Variants in KSR2 observed in about 807,000 individuals in gnomAD.
The protein encoded by KSR2 is kinase suppressor of ras 2.
A neutral mutation model predicts 107.8 loss-of-function variants in KSR2; 25 were observed. The ratio of observed to expected loss-of-function variants is 0.23; its 90% CI spans 0.17 to 0.32. The LOEUF is 0.32. Ranked by LOEUF, KSR2 falls within the 10% of genes least tolerant of loss-of-function variation. The pLI, the probability that KSR2 is intolerant of heterozygous loss-of-function variation, is 1.00. For missense variants in KSR2, 887 were observed against 1,268.9 expected, an observed-to-expected ratio of 0.70 and a Z score of 4.57; for synonymous variants, 480 against 507.0, an observed-to-expected ratio of 0.95 and a Z score of 0.71.
At chr12:117,507,633 C>T (rs1873781083) in intron 14 of KSR2, among the ~76,000 whole-genome samples, 1 of 152,172 alleles carries the variant, frequency 6.6e-6, no homozygotes, top group Non-Finnish European at 1.5e-5. Context: ...CATCTGCCTT[C>T]AGACAGGAAT....
At chr12:117,545,946 C>T (rs12297613) in intron 9 of KSR2, among the ~76,000 whole-genome samples, 4,149 of 152,068 alleles carry the variant, frequency 0.027, 201 homozygotes, top group African/African-American at 0.095. Context: ...AAATATTTCC[C>T]GTACATATAT....
intron 3 of KSR2, among the ~76,000 whole-genome samples, chr12:117,835,014 GC>G (rs1457018864): frequency 3.3e-5 from 5 of 152,200 alleles, no homozygotes; most frequent in Non-Finnish European, 5.9e-5. Flanking sequence ...CACTGGCTGG[GC>G]ATGAAAATCG....
At chr12:117,900,618 T>C (rs1443760726) in intron 1 of KSR2, among the ~76,000 whole-genome samples, 1 of 152,144 alleles carries the variant, frequency 6.6e-6, no homozygotes, top group Non-Finnish European at 1.5e-5. Flanking sequence ...ATTAATTGGG[T>C]TTCCAAGATA....
intron 9 of KSR2, among the ~76,000 whole-genome samples, chr12:117,548,797 G>A (rs1029808314): frequency 1.3e-5 from 2 of 152,134 alleles, no homozygotes; most frequent in African/African-American, 4.8e-5. Context: ...TCTGGAGGGA[G>A]AAACTAGACC....
intron 3 of KSR2, among the ~76,000 whole-genome samples, chr12:117,848,701 G>A (rs560765327): frequency 1.6e-4 from 24 of 151,872 alleles, no homozygotes; most frequent in Middle Eastern, 3.4e-3. Flanking sequence ...ATGAGGAGAA[G>A]TGGAGAAAAG....
intron 1 of KSR2, among the ~76,000 whole-genome samples, chr12:117,893,441 C>T (rs12318218): frequency 0.052 from 7,855 of 152,230 alleles, 395 homozygotes; most frequent in African/African-American, 0.14. Context: ...TACTTTGCAG[C>T]GTAGGCTGTG....
intron 5 of KSR2, among the ~76,000 whole-genome samples, chr12:117,658,533 G>C (rs951860610): frequency 6.6e-6 from 1 of 152,186 alleles, no homozygotes; most frequent in Non-Finnish European, 1.5e-5. Context: ...CAATGGCAGA[G>C]TTGAGTAGTT....
chr12:117,855,947 A>C (rs1893089032), intron 2 of KSR2, among the ~76,000 whole-genome samples: 1 of 151,900 alleles, frequency 6.6e-6, no homozygotes, highest in Admixed American at 6.6e-5. Flanking sequence ...AGTGCCTCCC[A>C]CTCTGCAGGG....
At chr12:117,658,064 C>A (rs1215181592) in intron 5 of KSR2, among the ~76,000 whole-genome samples, 1 of 152,156 alleles carries the variant, frequency 6.6e-6, no homozygotes, top group African/African-American at 2.4e-5. Flanking sequence ...AGCGTGTGTC[C>A]ATTAGCCTAA....
At chr12:117,636,572 G>A (rs563800643) in intron 5 of KSR2, among the ~76,000 whole-genome samples, 1 of 152,044 alleles carries the variant, frequency 6.6e-6, no homozygotes, top group Non-Finnish European at 1.5e-5. Context: ...AGGAAGGAAG[G>A]TTATTCAATA....
At chr12:117,553,699 C>A (rs1240284541) in intron 9 of KSR2, among the ~76,000 whole-genome samples, 1 of 152,164 alleles carries the variant, frequency 6.6e-6, no homozygotes. Flanking sequence ...GTACTTGGGT[C>A]ACAGGGGTGG....
intron 5 of KSR2, among the ~76,000 whole-genome samples, chr12:117,644,504 C>A (rs1442995466): frequency 6.6e-6 from 1 of 152,120 alleles, no homozygotes; most frequent in Non-Finnish European, 1.5e-5. Flanking sequence ...AAGTACTAAC[C>A]CCTGGACCCT....
chr12:117,952,706 G>A (rs562320202), intron 1 of KSR2, among the ~76,000 whole-genome samples: 10 of 151,860 alleles, frequency 6.6e-5, no homozygotes, highest in East Asian at 1.9e-4. Flanking sequence ...ACTTTTGGCC[G>A]TGCGTGGCGG....
intron 1 of KSR2, among the ~76,000 whole-genome samples, chr12:117,967,408 C>T (rs66723889): frequency 0.15 from 23,204 of 151,698 alleles, 2,099 homozygotes; most frequent in African/African-American, 0.23. Context: ...ATTTTTTTTT[C>T]CCTTTTGTAC....
chr12:117,653,308 C>T (rs1387767434), intron 5 of KSR2, among the ~76,000 whole-genome samples: 1 of 152,268 alleles, frequency 6.6e-6, no homozygotes, highest in Admixed American at 6.5e-5. Flanking sequence ...CAGCCATTGA[C>T]TTGGCAAATA....
At chr12:117,737,505 A>C (rs900145114) in intron 4 of KSR2, among the ~76,000 whole-genome samples, 1 of 152,134 alleles carries the variant, frequency 6.6e-6, no homozygotes, top group African/African-American at 2.4e-5. Flanking sequence ...TTTTGAGGCC[A>C]GGTGCGGTGG....
rs535998915 is a variant in KSR2, at chr12:117,866,744, G to A, written c.181-6313C>T. On this transcript the variant is annotated intron_variant, in intron 1 of 19. Transcript: ENST00000339824. ...CTCGGGAGGCTGAGGCACGAGAATC[G>A]CTTGAACCCGGGAGGCGGAGGTTGC... Among the ~76,000 whole-genome samples the A allele has an allele frequency of 3.1e-3, 477 of 152,130 alleles. 3 individuals carry two copies. The highest frequency in any genetic ancestry group is 0.011 in the African/African-American group (451 of 41,498).
intron 15 of KSR2, 146 bp from the exon 16 acceptor site, chr12:117,484,695 G>A: frequency 1.3e-6 from 1 of 747,556 alleles, no homozygotes; most frequent in East Asian, 2.7e-5. Flanking sequence ...GTCTGACCGT[G>A]GGTCCTGGGG....
intron 14 of KSR2, among the ~76,000 whole-genome samples, chr12:117,520,301 C>T (rs767592697): frequency 6.6e-5 from 10 of 152,138 alleles, no homozygotes; most frequent in Admixed American, 5.9e-4. Context: ...TGGCCTGAAG[C>T]GAAGCACTTG....
Sources: gnomAD v4.1 joint callset for allele counts (sites outside exome capture counted in the v4.1 genomes callset) on GRCh38, gnomAD v4.1.1 for gene constraint, MANE v1.5 for transcripts, NCBI Gene and HGNC (gene_info 2026-07-23, HGNC 2026-07-21) for gene names.